The following INSL4 variants were observed in gnomAD, a reference collection of about 807,000 sequenced individuals.
INSL4 encodes the protein early placenta insulin-like peptide.
Under a neutral mutation model 6.5 loss-of-function variants are expected in INSL4, and 7 were observed. The observed-to-expected ratio is 1.08, with a 90% CI of 0.61 to 2.02. INSL4 has a LOEUF of 2.02. INSL4 is among the 30% of genes most tolerant of loss of function. INSL4 has a pLI of 0.00. For synonymous variants in INSL4, 82 were observed against 65.8 expected (o/e 1.25, Z -1.19); for missense variants, 226 against 163.2 (o/e 1.38, Z -2.09).
chr9:5,234,056 G>A lies in INSL4; in HGVS notation c.*179G>A, dbSNP rs1403112604. 3.5e-6 allele frequency: 2 copies of A among 567,960 alleles called. No homozygotes were observed. Among genetic ancestry groups the A allele is most frequent in the East Asian group, 2.9e-5 (1 of 34,322 alleles). The allele number at this position is 567,960 out of a possible 1,614,324, so 35.2% of individuals were successfully genotyped here. Reference sequence around the variant, plus strand: ...TCCAAATGGAGGAAGTTAGATAGATGGAATAAGTTCTAGTAGTTGATAGTA... The same window carrying A: ...TCCAAATGGAGGAAGTTAGATAGATAGAATAAGTTCTAGTAGTTGATAGTA... On this transcript the variant is annotated 3_prime_UTR_variant, in exon 2 of 2. Transcript: ENST00000239316.
chr9:5,231,620 C>T lies in INSL4; in HGVS notation c.97C>T (p.Pro33Ser), dbSNP rs756883929. 6 of 1,613,842 alleles carry T rather than the reference C, an allele frequency of 3.7e-6. No homozygotes were observed. Among genetic ancestry groups the T allele is most frequent in the Admixed American group, 3.3e-5 (2 of 59,988 alleles). ...SLAAELRGCG[P>S]RFGKHLLSYC... is the part of the protein sequence containing the mutation. ...AGCAGCAGAGCTGAGGGGATGTGGT[C>T]CCCGATTTGGAAAACACTTGCTGTC... The change falls in exon 1 of 2, where the codon CCC becomes TCC. Residue 33 changes from proline to serine, a missense_variant. Coordinates refer to ENST00000239316, the MANE Select transcript of INSL4 (RefSeq NM_002195.2).
In INSL4 at chr9:5,234,696, C is replaced by G. The variant is rs1292690134; in HGVS notation, c.*819C>G. ...ACACATACCTCCTCCCTATGTGTCT[C>G]TAAATCCTAAATCAAAGAGTACATT... On this transcript the variant is annotated 3_prime_UTR_variant, in exon 2 of 2. Transcript: ENST00000239316. The G allele has an allele frequency of 2.0e-5, 3 of 152,202 alleles. No individual in the cohort carries two copies. Among genetic ancestry groups the G allele is most frequent in the Non-Finnish European group, 4.4e-5 (3 of 68,010 alleles). 9.4% of individuals were successfully genotyped at this position (152,202 alleles called of 1,614,324 possible).
At chr9:5,231,743 A>G (rs376821228) in intron 1 of INSL4, 24 bp downstream of exon 1, 20 of 1,604,738 alleles carry the variant, frequency 1.2e-5, no homozygotes, top group Non-Finnish European at 1.5e-5. Context: ...ACTACCAAAC[A>G]ATCAGAATGA....
chr9:5,232,786 G>C (rs1826167679), intron 1 of INSL4, among the ~76,000 whole-genome samples: 1 of 152,150 alleles, frequency 6.6e-6, no homozygotes, highest in South Asian at 2.1e-4. Flanking sequence ...CACAGGTTTT[G>C]AACCAGCAAT....
At position 5,231,464 on chromosome 9, in the gene INSL4, C is replaced by T; in HGVS notation, c.-60C>T. The T allele has an allele frequency of 2.6e-6, 4 of 1,532,078 alleles. No homozygotes were observed. Among genetic ancestry groups the T allele is most frequent in the Non-Finnish European group, 2.7e-6 (3 of 1,126,780 alleles). The allele number at this position is 1,532,078 out of a possible 1,614,324, so 94.9% of individuals were successfully genotyped here. A position where few individuals can be genotyped will look rare whatever the true frequency, so the allele number is the denominator to read the frequency against. On this transcript the variant is annotated 5_prime_UTR_variant, in exon 1 of 2. Coordinates refer to ENST00000239316, the MANE Select transcript of INSL4 (RefSeq NM_002195.2). The stretch of plus-strand genomic sequence containing the variant: ...CACACCAGCACAGTCTGGTAGGCTA[C>T]AGCAGCAAGTCTCTAAAGAAAGGCT...
chr9:5,231,762 A>G (rs886383353), intron 1 of INSL4, 43 bp downstream of exon 1: 1 of 1,561,104 alleles, frequency 6.4e-7, no homozygotes, highest in Non-Finnish European at 8.8e-7. Flanking sequence ...GAGGCCTGAA[A>G]AAACAGGCTC....
Position 5,233,702 on chromosome 9 carries a change from C to T in INSL4, c.245C>T (p.Thr82Ile), listed in dbSNP as rs748680603. 2 of 1,613,666 alleles carry T rather than the reference C, an allele frequency of 1.2e-6. No individual in the cohort carries two copies. The highest frequency in any genetic ancestry group is 2.2e-5 in the South Asian group (2 of 91,072). ...NNKDGQALGT[T>I]SEFIPNLSPE... ...AAAGATGGACAAGCCTTAGGTACGA[C>T]ATCAGAATTCATTCCTAATTTGTCA... Residue 82 changes from threonine to isoleucine, a missense_variant, in exon 2 of 2, where the codon ACA (threonine) becomes ATA (isoleucine). Coordinates refer to ENST00000239316, the MANE Select transcript of INSL4 (RefSeq NM_002195.2).
At position 5,233,664 on chromosome 9, in the gene INSL4, A is replaced by G. The variant is rs7030463; in HGVS notation, c.207A>G (p.Ser69=). 5.0e-3 allele frequency: 8,066 copies of G among 1,612,796 alleles called. 365 individuals are homozygous for G. The African/African-American group carries it at 0.096, about 19-fold the overall frequency. The change falls in exon 2 of 2, where the codon TCA becomes TCG. Residue 69 remains serine, a synonymous_variant. Coordinates refer to ENST00000239316, the MANE Select transcript of INSL4 (RefSeq NM_002195.2). ...LESGRPKEMV[S]TSNNKDGQAL... ...TCTTTTACTTCACAGAAATGGTGTC[A>G]ACCTCCAACAACAAAGATGGACAAG...
rs780390815 is a variant in INSL4 at position 5,233,777 on chromosome 9, T to C, written c.320T>C (p.Ile107Thr). ...GAAGGGCAGCCATCATTGAAGAAAATAATACTTTCCCGCAAAAAGAGAAGT... is the reference window on the plus strand; with the variant it reads ...GAAGGGCAGCCATCATTGAAGAAAACAATACTTTCCCGCAAAAAGAGAAGT... ...LSEGQPSLKK[I>T]ILSRKKRSGR... The change falls in exon 2 of 2, where the codon ATA becomes ACA. Residue 107 changes from isoleucine to threonine, a missense_variant. Transcript: ENST00000239316. 6.8e-6 allele frequency: 11 copies of C among 1,613,598 alleles called. No individual in the cohort carries two copies. The South Asian group carries it at 8.8e-5, about 13-fold the overall frequency.
Position 5,231,592 on chromosome 9 carries a change from C to A in INSL4, c.69C>A (p.Ser23Arg). 1 of 1,613,904 alleles carries A rather than the reference C, an allele frequency of 6.2e-7. No homozygotes were observed. Among genetic ancestry groups the A allele is most frequent in the Non-Finnish European group, 8.5e-7 (1 of 1,179,872 alleles). ...TGCTGAGCCAACTCCTTAGAGAAAG[C>A]CTAGCAGCAGAGCTGAGGGGATGTG... Reference protein sequence around the residue: ...WLLLSQLLRESLAAELRGCGP... With the variant: ...WLLLSQLLRERLAAELRGCGP... Residue 23 changes from serine (S) to arginine (R), a missense_variant, in exon 1 of 2, where the codon AGC becomes AGA. Coordinates refer to ENST00000239316, the MANE Select transcript of INSL4 (RefSeq NM_002195.2).
chr9:5,231,827 C>A, intron 1 of INSL4, 108 bp downstream of exon 1: 5 of 957,454 alleles, frequency 5.2e-6, no homozygotes, highest in Non-Finnish European at 7.7e-6. Context: ...CTAGTGCCTA[C>A]AAGTTTGTGG....
Position 5,233,693 on chromosome 9 carries a change from T to G in INSL4, c.236T>G (p.Leu79Ter), listed in dbSNP as rs1367994439. 6.2e-7 allele frequency: 1 copy of G among 1,613,642 alleles called. No individual in the cohort carries two copies. The highest frequency in any genetic ancestry group is 1.1e-5 in the South Asian group (1 of 91,066). The stretch of plus-strand genomic sequence containing the variant: ...TCCAACAACAAAGATGGACAAGCCT[T>G]AGGTACGACATCAGAATTCATTCCT... ...STSNNKDGQA[L>*]GTTSEFIPNL... is the part of the protein sequence containing the mutation. The change falls in exon 2 of 2, where the codon TTA becomes TGA. Residue 79 changes from leucine to a stop codon, truncating the protein, a stop_gained. Transcript: ENST00000239316. LOFTEE classifies it low-confidence loss of function (END_TRUNC).
In INSL4 at chr9:5,233,848, G is replaced by T. The variant is rs139488706; in HGVS notation, c.391G>T (p.Asp131Tyr). 8.7e-6 allele frequency: 14 copies of T among 1,612,874 alleles called. No individual in the cohort carries two copies. The highest frequency in any genetic ancestry group is 1.1e-5 in the Non-Finnish European group (13 of 1,179,072). Reference sequence around the variant, plus strand: ...ATTCTGTTGTGAAGTAATTTGTGACGATGGAACTTCAGTTAAATTATGTAC... The same window carrying T: ...ATTCTGTTGTGAAGTAATTTGTGACTATGGAACTTCAGTTAAATTATGTAC... ...DPFCCEVICD[D>Y]GTSVKLCT Residue 131 changes from aspartate to tyrosine, a missense_variant, in exon 2 of 2, where the codon GAT becomes TAT. Asp to Tyr is a radical substitution (Grantham distance 160, BLOSUM62 -3). Transcript: ENST00000239316.
chr9:5,233,823 A>G lies in INSL4; in HGVS notation c.366A>G (p.Pro122=). ...GAAGTGGACGTCACAGATTTGATCC[A>G]TTCTGTTGTGAAGTAATTTGTGACG... is the stretch of plus-strand genomic sequence containing the variant. ...KKRSGRHRFD[P]FCCEVICDDG... Residue 122 remains proline, a synonymous_variant, in exon 2 of 2, where the codon CCA becomes CCG. Transcript: ENST00000239316. The G allele has an allele frequency of 2.5e-6, 4 of 1,613,680 alleles. No individual in the cohort carries two copies. The Middle Eastern group carries it at 5.0e-4, about 200-fold the overall frequency.
intron 1 of INSL4, among the ~76,000 whole-genome samples, chr9:5,232,277 T>C (rs568301849): frequency 1.5e-4 from 23 of 152,252 alleles, no homozygotes; most frequent in Admixed American, 2.6e-4. Context: ...ATAACTCTCA[T>C]CCTTTGTCAT....
chr9:5,232,471 A>G (rs1349713415), intron 1 of INSL4, among the ~76,000 whole-genome samples: 2 of 152,164 alleles, frequency 1.3e-5, no homozygotes, highest in African/African-American at 4.8e-5. Context: ...AGGGGACCAG[A>G]GACAAGGGAA....
At chr9:5,233,465 G>A (rs1042610837) in intron 1 of INSL4, among the ~76,000 whole-genome samples, 189 bp from the exon 2 acceptor site, 1 of 152,070 alleles carries the variant, frequency 6.6e-6, no homozygotes, top group Non-Finnish European at 1.5e-5. Flanking sequence ...TAATATTGTA[G>A]TATCTTAAAG....
Position 5,234,133 on chromosome 9 carries a change from A to C in INSL4, c.*256A>C. On this transcript the variant is annotated 3_prime_UTR_variant, in exon 2 of 2. Coordinates refer to ENST00000239316, the MANE Select transcript of INSL4 (RefSeq NM_002195.2). The stretch of plus-strand genomic sequence containing the variant: ...ATTCACTGTATATTCCAAAATAGCT[A>C]GAAGAGAATTGTAATGATTCCAACA... 2.5e-6 allele frequency: 1 copy of C among 397,354 alleles called. No homozygotes were observed. 24.6% of individuals were successfully genotyped at this position (397,354 alleles called of 1,614,324 possible). A position where few individuals can be genotyped will look rare whatever the true frequency, so the allele number is the denominator to read the frequency against.
In INSL4 at chr9:5,233,705, C is replaced by T. The variant is rs1586900505; in HGVS notation, c.248C>T (p.Ser83Leu). 1 of 1,613,698 alleles carries T rather than the reference C, an allele frequency of 6.2e-7. No individual in the cohort carries two copies. Among genetic ancestry groups the T allele is most frequent in the East Asian group, 2.2e-5 (1 of 44,866 alleles). The change falls in exon 2 of 2, where the codon TCA (serine) becomes TTA (leucine). Residue 83 changes from serine (S) to leucine (L), a missense_variant. Coordinates refer to ENST00000239316, the MANE Select transcript of INSL4 (RefSeq NM_002195.2). ...GATGGACAAGCCTTAGGTACGACAT[C>T]AGAATTCATTCCTAATTTGTCACCA... The part of the protein sequence containing the change: ...NKDGQALGTT[S>L]EFIPNLSPEL...
Sources: allele counts gnomAD v4.1 joint callset (sites outside exome capture counted in the v4.1 genomes callset), GRCh38; gene constraint gnomAD v4.1.1; transcripts MANE v1.5; gene names NCBI Gene and HGNC (gene_info 2026-07-23, HGNC 2026-07-21).